TFDP2: variants seen among roughly 807,000 people sequenced by gnomAD.
TFDP2 encodes the protein transcription factor Dp-2 (E2F dimerization partner 2).
TFDP2 carries 17 observed loss-of-function variants against 59.3 expected under a neutral mutation model. The ratio of observed to expected loss-of-function variants is 0.29; its 90% CI spans 0.20 to 0.43. The LOEUF (loss-of-function observed/expected upper bound fraction) is 0.43. Among genes scored for constraint, TFDP2 ranks in the 20% least tolerant of loss-of-function variants. The pLI, the probability that TFDP2 is intolerant of heterozygous loss-of-function variation, is 1.00. For synonymous variants in TFDP2, 180 were observed against 194.7 expected, an observed-to-expected ratio of 0.92 and a Z score of 0.63; for missense variants, 391 against 528.8, an observed-to-expected ratio of 0.74 and a Z score of 2.56.
chr3:141,995,787 G>A (rs138607342), intron 4 of TFDP2, among the ~76,000 whole-genome samples: 2 of 150,488 alleles, frequency 1.3e-5, no homozygotes, highest in African/African-American at 4.9e-5. Flanking sequence ...GGAGGCTGAG[G>A]CAGGAGAATC....
intron 4 of TFDP2, among the ~76,000 whole-genome samples, chr3:142,000,970 T>C (rs1311140047): frequency 9.2e-5 from 14 of 152,182 alleles, no homozygotes. Context: ...GCTGCAGTTC[T>C]CCTGGGTTAG....
At chr3:141,993,022 T>C (rs1942931235) in intron 6 of TFDP2, among the ~76,000 whole-genome samples, 1 of 151,964 alleles carries the variant, frequency 6.6e-6, no homozygotes, top group African/African-American at 2.4e-5. Context: ...AGCAAGTTTG[T>C]TATGATTTAT....
At chr3:141,985,231 C>A (rs1941953589) in intron 6 of TFDP2, among the ~76,000 whole-genome samples, 1 of 151,916 alleles carries the variant, frequency 6.6e-6, no homozygotes, top group Admixed American at 6.6e-5. Flanking sequence ...AAATAAATGT[C>A]AAAAATCCCT....
intron 3 of TFDP2, among the ~76,000 whole-genome samples, chr3:142,015,276 T>C (rs536473462): frequency 7.2e-5 from 11 of 152,210 alleles, no homozygotes; most frequent in Non-Finnish European, 1.5e-4. Context: ...CTCTCGTGTA[T>C]ATTTCTCCAG....
chr3:142,138,898 A>T (rs1185173701), intron 1 of TFDP2, among the ~76,000 whole-genome samples: 1 of 152,202 alleles, frequency 6.6e-6, no homozygotes, highest in African/African-American at 2.4e-5. Context: ...CTTGGTGCAG[A>T]ACTGAGTTCA....
rs1232478327 is a variant in TFDP2 at position 141,968,339 on chromosome 3, T to C, written c.732+1734A>G. 6.0e-5 allele frequency among the ~76,000 whole-genome samples: 7 copies of C among 116,386 alleles called. No homozygotes were observed. The South Asian group carries it at 9.6e-4, about 16-fold the overall frequency. 76.4% of individuals were successfully genotyped at this position (116,386 alleles called of 152,430 possible). On this transcript the variant is annotated intron_variant, in intron 9 of 12. Coordinates refer to ENST00000489671, the MANE Select transcript of TFDP2 (RefSeq NM_001178139.2). ...TATATATAACATATAATATATATAA[T>C]ATATAACTATATATAACATATATCT...
intron 1 of TFDP2, among the ~76,000 whole-genome samples, chr3:142,103,366 A>G (rs2061374206): frequency 6.6e-6 from 1 of 151,912 alleles, no homozygotes; most frequent in Non-Finnish European, 1.5e-5. Flanking sequence ...TTATTTGGGT[A>G]ATTGGAGATT....
intron 6 of TFDP2, among the ~76,000 whole-genome samples, chr3:141,990,057 C>A (rs1942588749): frequency 6.6e-6 from 1 of 151,852 alleles, no homozygotes; most frequent in African/African-American, 2.4e-5. Flanking sequence ...CCACGCTTGA[C>A]TAATTTTTGT....
intron 9 of TFDP2, among the ~76,000 whole-genome samples, chr3:141,966,621 T>C (rs1483828114): frequency 6.6e-6 from 1 of 151,874 alleles, no homozygotes; most frequent in Admixed American, 6.6e-5. Flanking sequence ...TTTTTCAAAC[T>C]CATTAACATC....
At chr3:142,036,510 G>A (rs1946702670) in intron 3 of TFDP2, among the ~76,000 whole-genome samples, 2 of 152,090 alleles carry the variant, frequency 1.3e-5, no homozygotes, top group Admixed American at 1.3e-4. Flanking sequence ...CACAGTCTGC[G>A]AGTTCCTCCA....
chr3:141,973,123 A>ATATATATATATAT, intron 8 of TFDP2, among the ~76,000 whole-genome samples: 7 of 58,024 alleles, frequency 1.2e-4, no homozygotes, highest in Admixed American at 7.2e-4. Flanking sequence ...ATATATATAT[A>ATATATATATATAT]TTTTTTTTTT....
intron 1 of TFDP2, among the ~76,000 whole-genome samples, chr3:142,146,301 C>G (rs1001908589): frequency 2.0e-5 from 3 of 151,994 alleles, no homozygotes; most frequent in Non-Finnish European, 4.4e-5. Flanking sequence ...AATAATTCAA[C>G]AATTTTAGTT....
intron 3 of TFDP2, among the ~76,000 whole-genome samples, chr3:142,042,488 C>T (rs554667338): frequency 6.6e-5 from 10 of 151,866 alleles, no homozygotes; most frequent in Admixed American, 2.0e-4. Context: ...TTAGTAGAGA[C>T]GGGGTTTCAC....
At chr3:142,022,473 C>T (rs1945691554) in intron 3 of TFDP2, among the ~76,000 whole-genome samples, 1 of 152,110 alleles carries the variant, frequency 6.6e-6, no homozygotes, top group Admixed American at 6.5e-5. Flanking sequence ...TTTCAATCAC[C>T]ACTGTTAGCA....
intron 11 of TFDP2, among the ~76,000 whole-genome samples, chr3:141,956,965 G>C (rs918116230): frequency 6.0e-5 from 8 of 132,532 alleles, no homozygotes; most frequent in Non-Finnish European, 1.2e-4. Context: ...ATCACAGCGA[G>C]ATATCACTTC....
intron 1 of TFDP2, among the ~76,000 whole-genome samples, chr3:142,139,305 T>C (rs2062850019): frequency 6.6e-6 from 1 of 152,186 alleles, no homozygotes; most frequent in South Asian, 2.1e-4. Flanking sequence ...CTGATGGGTC[T>C]TGACTCTTTA....
intron 3 of TFDP2, among the ~76,000 whole-genome samples, chr3:142,034,011 A>G (rs2108420637): frequency 6.6e-6 from 1 of 151,976 alleles, no homozygotes; most frequent in South Asian, 2.1e-4. Context: ...AACTAAAAAC[A>G]TCATACTTCC....
At chr3:142,066,990 GA>G (rs1446732498) in intron 3 of TFDP2, among the ~76,000 whole-genome samples, 5 of 151,956 alleles carry the variant, frequency 3.3e-5, no homozygotes, top group African/African-American at 4.8e-5. Flanking sequence ...ACCAAGAACA[GA>G]AGGAAAACTT....
rs1222833548 is a variant in TFDP2, at chr3:141,951,927, G to A, written c.*586C>T. On this transcript the variant is annotated 3_prime_UTR_variant, in exon 13 of 13. Transcript: ENST00000489671. ...AAGAAGTAGCGCTCGCTCCTTTCTA[G>A]AAGCTGTCTAAGGCAGCTGATGCGT... 6.6e-6 allele frequency: 1 copy of A among 152,588 alleles called. No homozygotes were observed. Among genetic ancestry groups the A allele is most frequent in the African/African-American group, 2.4e-5 (1 of 41,434 alleles). 9.5% of individuals were successfully genotyped at this position (152,588 alleles called of 1,614,324 possible).
Sources: allele counts gnomAD v4.1 joint callset (sites outside exome capture counted in the v4.1 genomes callset), GRCh38; gene constraint gnomAD v4.1.1; transcripts MANE v1.5; gene names NCBI Gene and HGNC (gene_info 2026-07-23, HGNC 2026-07-21).